Variants in KLF12 observed in about 807,000 individuals in gnomAD.
KLF12 encodes Krueppel-like factor 12.
In KLF12, 9 loss-of-function variants were observed where a neutral mutation model predicts 37.8. The ratio of observed to expected loss-of-function variants is 0.24; its 90% CI spans 0.14 to 0.42. The LOEUF (loss-of-function observed/expected upper bound fraction) is 0.42. KLF12 is among the 10% of genes least tolerant of loss of function. KLF12 has a pLI of 1.00. For synonymous variants in KLF12, 208 were observed against 202.1 expected (o/e 1.03, Z -0.25); for missense variants, 411 against 516.0 (o/e 0.80, Z 1.97).
the KLF12 span, among the ~76,000 whole-genome samples, chr13:74,265,384 T>C: frequency 1.3e-5 from 2 of 152,184 alleles, no homozygotes; most frequent in Non-Finnish European, 2.9e-5. Flanking sequence ...CTGAGATATA[T>C]GGGCAATCAC....
At chr13:73,936,937 AT>A (rs1889960355) in intron 3 of KLF12, among the ~76,000 whole-genome samples, 1 of 152,200 alleles carries the variant, frequency 6.6e-6, no homozygotes, top group Admixed American at 6.5e-5. Context: ...CAGGCCTATA[AT>A]CCCAACCCTT....
At chr13:74,014,655 A>G (rs1429523054) in intron 1 of KLF12, among the ~76,000 whole-genome samples, 1 of 152,228 alleles carries the variant, frequency 6.6e-6, no homozygotes, top group African/African-American at 2.4e-5. Flanking sequence ...TGTTAAAGTT[A>G]TATATGCTGA....
chr13:74,138,997 A>G, the KLF12 span, among the ~76,000 whole-genome samples: 2 of 152,210 alleles, frequency 1.3e-5, no homozygotes, highest in Non-Finnish European at 2.9e-5. Flanking sequence ...CTCACCAAAA[A>G]GTTATCTTTC....
At chr13:74,198,713 A>G in the KLF12 span, among the ~76,000 whole-genome samples, 2 of 152,160 alleles carry the variant, frequency 1.3e-5, no homozygotes, top group Non-Finnish European at 2.9e-5. Context: ...AACCCAGTAT[A>G]GATAGTTTGA....
At chr13:74,113,453 GC>G (rs1294492565) in intron 1 of KLF12, among the ~76,000 whole-genome samples, 3 of 152,154 alleles carry the variant, frequency 2.0e-5, no homozygotes, top group Admixed American at 6.5e-5. Flanking sequence ...TGAAGCCAAT[GC>G]TCACTCACTA....
At chr13:74,124,502 T>A (rs1400437286) in intron 1 of KLF12, among the ~76,000 whole-genome samples, 1 of 152,234 alleles carries the variant, frequency 6.6e-6, no homozygotes, top group Non-Finnish European at 1.5e-5. Context: ...ATTCCGATCA[T>A]TTAAAAGTAA....
chr13:73,972,065 A>T (rs1420403892), intron 2 of KLF12, among the ~76,000 whole-genome samples: 1 of 152,238 alleles, frequency 6.6e-6, no homozygotes, highest in Admixed American at 6.5e-5. Context: ...CAGGAAAAGA[A>T]ATGCCAACCT....
chr13:73,766,813 T>C (rs1879945492), intron 5 of KLF12, among the ~76,000 whole-genome samples: 1 of 152,210 alleles, frequency 6.6e-6, no homozygotes, highest in African/African-American at 2.4e-5. Flanking sequence ...GTTTATTGCA[T>C]ATATTAGTGA....
intron 2 of KLF12, among the ~76,000 whole-genome samples, chr13:73,992,057 G>A (rs142104352): frequency 1.2e-4 from 19 of 152,314 alleles, no homozygotes; most frequent in Middle Eastern, 3.4e-3. Context: ...AGAGGTAGTC[G>A]CAAAGCAAAG....
At chr13:74,119,843 G>C (rs1261142323) in intron 1 of KLF12, among the ~76,000 whole-genome samples, 1 of 151,888 alleles carries the variant, frequency 6.6e-6, no homozygotes, top group East Asian at 1.9e-4. Flanking sequence ...CAATAAAGCA[G>C]CTTAGAGAAT....
the KLF12 span, among the ~76,000 whole-genome samples, chr13:74,273,408 CTTAATG>C: frequency 2.0e-5 from 3 of 151,010 alleles, no homozygotes; most frequent in African/African-American, 7.3e-5. Context: ...TTAGAATTGA[CTTAATG>C]TTAATCTATT....
intron 1 of KLF12, among the ~76,000 whole-genome samples, chr13:74,025,494 A>G (rs1293207418): frequency 6.6e-6 from 1 of 151,952 alleles, no homozygotes; most frequent in Non-Finnish European, 1.5e-5. Flanking sequence ...TAAGGTTCTT[A>G]GTTTCGCTAC....
the KLF12 span, among the ~76,000 whole-genome samples, chr13:74,165,299 CTTTT>C: frequency 2.0e-5 from 2 of 98,308 alleles, no homozygotes; most frequent in Non-Finnish European, 2.0e-5. Flanking sequence ...ATTTTCTTTT[CTTTT>C]TTTTTTTTTT....
intron 2 of KLF12, among the ~76,000 whole-genome samples, chr13:73,973,944 T>G (rs1891424154): frequency 6.6e-6 from 1 of 151,838 alleles, no homozygotes; most frequent in Non-Finnish European, 1.5e-5. Flanking sequence ...CAAAAATTTA[T>G]CAACTCAGTA....
In KLF12 at chr13:73,732,642, T is replaced by C. The variant is rs577975827; in HGVS notation, c.870-17117A>G. On this transcript the variant is annotated intron_variant, in intron 6 of 7. Coordinates refer to ENST00000377669, the MANE Select transcript of KLF12 (RefSeq NM_007249.5). ...AATGTTGGAGGTTCCCTGAGCTCAG[T>C]CCTCCAGCCGTTTCTCCTTTCTGTT... Among the ~76,000 whole-genome samples, 5 of 152,264 alleles carry C rather than the reference T, an allele frequency of 3.3e-5. 1 individual carries two copies. Among genetic ancestry groups the C allele is most frequent in the Admixed American group, 2.6e-4 (4 of 15,298 alleles).
At chr13:74,302,078 C>T in the KLF12 span, among the ~76,000 whole-genome samples, 2 of 152,058 alleles carry the variant, frequency 1.3e-5, no homozygotes, top group African/African-American at 4.8e-5. Flanking sequence ...GAAATCTTAG[C>T]CTTTGGTTTT....
intron 1 of KLF12, among the ~76,000 whole-genome samples, chr13:74,000,698 A>T (rs1345477387): frequency 1.3e-5 from 2 of 152,204 alleles, no homozygotes; most frequent in African/African-American, 4.8e-5. Flanking sequence ...CCATTTTCAG[A>T]AGGAGAAGGT....
chr13:73,870,052 T>C (rs1484627260), intron 3 of KLF12, among the ~76,000 whole-genome samples: 1 of 152,224 alleles, frequency 6.6e-6, no homozygotes, highest in Non-Finnish European at 1.5e-5. Context: ...TTTTCTGCCA[T>C]TTAAGGCATT....
intron 1 of KLF12, among the ~76,000 whole-genome samples, chr13:74,096,643 C>T (rs1301710358): frequency 6.6e-6 from 1 of 152,084 alleles, no homozygotes; most frequent in Non-Finnish European, 1.5e-5. Flanking sequence ...TAGGTAATAC[C>T]TATGACGAGA....
Sources: gnomAD v4.1 joint callset for allele counts (sites outside exome capture counted in the v4.1 genomes callset) on GRCh38, gnomAD v4.1.1 for gene constraint, MANE v1.5 for transcripts, NCBI Gene and HGNC (gene_info 2026-07-23, HGNC 2026-07-21) for gene names.